CCDC7: variants seen among roughly 807,000 people sequenced by gnomAD.
CCDC7 encodes the protein coiled-coil domain containing 7.
In CCDC7, 183 loss-of-function variants were observed where a neutral mutation model predicts 196.9. That is an observed-to-expected ratio of 0.93 (90% CI 0.82 to 1.05). The LOEUF (loss-of-function observed/expected upper bound fraction) is 1.05. Among genes scored for constraint, CCDC7 ranks in the 50% least tolerant of loss-of-function variants. The probability of loss-of-function intolerance (pLI) is 0.00; values close to 1 mark genes in which losing one functional copy is unlikely to be tolerated. For synonymous variants in CCDC7, 525 were observed against 484.6 expected, an observed-to-expected ratio of 1.08 and a Z score of -1.10; for missense variants, 1,540 against 1,482.2, an observed-to-expected ratio of 1.04 and a Z score of -0.64.
Position 32,558,962 on chromosome 10 carries a change from C to A in CCDC7, c.1135-6596C>A, listed in dbSNP as rs181784908. Among the ~76,000 whole-genome samples, 508 of 152,328 alleles carry A rather than the reference C, an allele frequency of 3.3e-3. 5 individuals are homozygous for A. The highest frequency in any genetic ancestry group is 0.012 in the African/African-American group (489 of 41,564). ...CACCTGGAAATCAGGTCACTCCCGC[C>A]CTAATACTGTGGTTTTCCAACAGGC... On this transcript the variant is annotated intron_variant, in intron 13 of 41. Transcript: ENST00000639629.
chr10:32,753,974 T>C (rs559100616), intron 28 of CCDC7, among the ~76,000 whole-genome samples: 1 of 152,272 alleles, frequency 6.6e-6, no homozygotes, highest in African/African-American at 2.4e-5. Context: ...AGAAAATCTC[T>C]TACTAATATC....
chr10:32,742,528 T>A (rs79149664), intron 28 of CCDC7, among the ~76,000 whole-genome samples: 5,904 of 152,310 alleles, frequency 0.039, 122 homozygotes, highest in Middle Eastern at 0.051. Flanking sequence ...TCACAACCAC[T>A]GACCTTTTTG....
intron 8 of CCDC7, among the ~76,000 whole-genome samples, chr10:32,487,981 G>A (rs1004017547): frequency 1.1e-4 from 16 of 152,176 alleles, no homozygotes; most frequent in East Asian, 1.9e-4. Context: ...CTCCAGCTGC[G>A]TGCTGGGAGA....
At chr10:32,629,116 T>A (rs1194672337) in intron 18 of CCDC7, among the ~76,000 whole-genome samples, 1 of 152,134 alleles carries the variant, frequency 6.6e-6, no homozygotes, top group Admixed American at 6.6e-5. Context: ...TCCACTATTA[T>A]TGTATTACAG....
intron 16 of CCDC7, among the ~76,000 whole-genome samples, chr10:32,577,028 C>CT (rs2058274633): frequency 6.6e-6 from 1 of 152,096 alleles, no homozygotes; most frequent in Non-Finnish European, 1.5e-5. Flanking sequence ...GTTGTTGTAA[C>CT]TATTTCCTTG....
At chr10:32,756,238 A>T (rs2076418390) in intron 28 of CCDC7, among the ~76,000 whole-genome samples, 1 of 152,194 alleles carries the variant, frequency 6.6e-6, no homozygotes, top group Non-Finnish European at 1.5e-5. Flanking sequence ...CAACATTCAA[A>T]TTCAGGAAAT....
At chr10:32,458,395 T>G (rs1466068866) in intron 3 of CCDC7, among the ~76,000 whole-genome samples, 1 of 152,098 alleles carries the variant, frequency 6.6e-6, no homozygotes, top group Non-Finnish European at 1.5e-5. Flanking sequence ...GTGTCTGTTT[T>G]TGTGCCAGTA....
At chr10:32,666,751 A>C (rs1273208467) in intron 21 of CCDC7, among the ~76,000 whole-genome samples, 3 of 152,146 alleles carry the variant, frequency 2.0e-5, no homozygotes, top group African/African-American at 7.2e-5. Flanking sequence ...TATATGTGCC[A>C]CATTTTCTTA....
chr10:32,702,776 T>C (rs2078981977), intron 24 of CCDC7, among the ~76,000 whole-genome samples: 1 of 152,234 alleles, frequency 6.6e-6, no homozygotes, highest in South Asian at 2.1e-4. Context: ...GTAATGGCCT[T>C]CTTTGTCTCT....
In CCDC7 at chr10:32,850,812, CACACACAG is replaced by C. The variant is rs1410743100; in HGVS notation, c.3896-993_3896-986del. Among the ~76,000 whole-genome samples, 439 of 118,806 alleles carry C rather than the reference CACACACAG, an allele frequency of 3.7e-3. 2 individuals carry two copies. Among genetic ancestry groups the C allele is most frequent in the Middle Eastern group, 8.8e-3 (2 of 226 alleles). 77.9% of individuals were successfully genotyped at this position (118,806 alleles called of 152,430 possible). A position where few individuals can be genotyped will look rare whatever the true frequency, so the allele number is the denominator to read the frequency against. ...ACACACACACACACACACACACACA[CACACACAG>C]AGACATGCAATGTAACAGTGGTGAG... On this transcript the variant is annotated intron_variant, in intron 39 of 41. Transcript: ENST00000639629.
chr10:32,613,326 C>T (rs1279237434), intron 18 of CCDC7, among the ~76,000 whole-genome samples: 1 of 151,900 alleles, frequency 6.6e-6, no homozygotes, highest in Non-Finnish European at 1.5e-5. Flanking sequence ...ATTAGTCTGG[C>T]TAGCAGTCTA....
chr10:32,711,669 A>G (rs1401785602), exon 25 of CCDC7: 3 of 1,597,770 alleles, frequency 1.9e-6, no homozygotes, highest in South Asian at 2.3e-5. Context: ...ATCAAGATTC[A>G]GTGTCAAAAA....
intron 28 of CCDC7, among the ~76,000 whole-genome samples, chr10:32,765,373 A>G (rs915283355): frequency 1.3e-5 from 2 of 152,036 alleles, no homozygotes; most frequent in African/African-American, 2.4e-5. Context: ...AGGGCAAGTG[A>G]TCAATGGGAC....
At chr10:32,486,761 G>C (rs1004649102) in intron 8 of CCDC7, among the ~76,000 whole-genome samples, 4 of 149,244 alleles carry the variant, frequency 2.7e-5, no homozygotes, top group Non-Finnish European at 4.4e-5. Context: ...AGCTTAGTTT[G>C]GCTGGATATG....
intron 28 of CCDC7, among the ~76,000 whole-genome samples, chr10:32,775,708 CAG>C (rs1376461748): frequency 1.4e-4 from 22 of 152,106 alleles, no homozygotes; most frequent in Non-Finnish European, 2.9e-4. Context: ...TTTCTAAAGA[CAG>C]ATAATTTTTT....
At chr10:32,625,992 T>A in intron 18 of CCDC7, among the ~76,000 whole-genome samples, 1 of 152,116 alleles carries the variant, frequency 6.6e-6, no homozygotes, top group Non-Finnish European at 1.5e-5. Context: ...TTGATTCCAT[T>A]ACTTGGCTAT....
chr10:32,802,998 C>T (rs1204819918), intron 29 of CCDC7, among the ~76,000 whole-genome samples: 1 of 152,244 alleles, frequency 6.6e-6, no homozygotes, highest in Non-Finnish European at 1.5e-5. Context: ...CTCACAGACA[C>T]ACCCAGGAAC....
At chr10:32,644,793 T>C (rs1027348373) in intron 20 of CCDC7, among the ~76,000 whole-genome samples, 1 of 152,214 alleles carries the variant, frequency 6.6e-6, no homozygotes, top group Non-Finnish European at 1.5e-5. Context: ...TCTGACATGA[T>C]TGTAAGGCCT....
intron 28 of CCDC7, among the ~76,000 whole-genome samples, chr10:32,756,133 G>T (rs1003164984): frequency 2.6e-5 from 4 of 152,228 alleles, no homozygotes; most frequent in Non-Finnish European, 4.4e-5. Flanking sequence ...ACATCAGATT[G>T]TTGTACCTGA....
Sources: gnomAD v4.1 joint callset for allele counts (sites outside exome capture counted in the v4.1 genomes callset) on GRCh38, gnomAD v4.1.1 for gene constraint, MANE v1.5 for transcripts, NCBI Gene and HGNC (gene_info 2026-07-23, HGNC 2026-07-21) for gene names.